Variants in FRMD4A observed in about 807,000 individuals in gnomAD.
FRMD4A encodes the protein FERM domain-containing protein 4A.
Under a neutral mutation model 129.1 loss-of-function variants are expected in FRMD4A, and 29 were observed. The observed-to-expected ratio is 0.22, with a 90% CI of 0.17 to 0.31. The LOEUF is 0.31. Ranked by LOEUF, FRMD4A falls within the 10% of genes least tolerant of loss-of-function variation. The probability of loss-of-function intolerance (pLI) is 1.00; values close to 1 mark genes in which losing one functional copy is unlikely to be tolerated. For missense variants in FRMD4A, 1,272 were observed against 1,375.8 expected, an observed-to-expected ratio of 0.92 and a Z score of 1.19; for synonymous variants, 634 against 571.6, an observed-to-expected ratio of 1.11 and a Z score of -1.56.
At chr10:13,818,838 A>T (rs2093586287) in intron 3 of FRMD4A, among the ~76,000 whole-genome samples, 1 of 152,214 alleles carries the variant, frequency 6.6e-6, no homozygotes, top group Non-Finnish European at 1.5e-5. Context: ...AAAAAATTCC[A>T]TGTATGGCCA....
In FRMD4A at chr10:14,043,996, A is replaced by G. The variant is rs539197194; in HGVS notation, c.46-185084T>C. Among the ~76,000 whole-genome samples, 3 of 152,248 alleles carry G rather than the reference A, an allele frequency of 2.0e-5. No homozygotes were observed. In the South Asian group the frequency reaches 6.2e-4, roughly 32 times the overall value. On this transcript the variant is annotated intron_variant, in intron 2 of 24. Coordinates refer to ENST00000357447, the MANE Select transcript of FRMD4A (RefSeq NM_018027.5). ...CACATGCCACCATGCCTGGCTATTT[A>G]TTAAAACTTATTTGTAGAGATGGGG...
chr10:14,302,049 A>G (rs1046995354), intron 2 of FRMD4A, among the ~76,000 whole-genome samples: 2 of 152,224 alleles, frequency 1.3e-5, no homozygotes, highest in Non-Finnish European at 2.9e-5. Context: ...CCAAATAGCT[A>G]TGGAATAAAT....
chr10:14,164,521 T>C (rs748433194), intron 2 of FRMD4A, among the ~76,000 whole-genome samples: 2 of 152,204 alleles, frequency 1.3e-5, no homozygotes, highest in Non-Finnish European at 2.9e-5. Flanking sequence ...AACACTAAGG[T>C]AGCCCATCCC....
chr10:13,715,438 C>T lies in FRMD4A; in HGVS notation c.760-8325G>A, dbSNP rs542119006. 5.3e-5 allele frequency among the ~76,000 whole-genome samples: 8 copies of T among 152,300 alleles called. No homozygotes were observed. In the South Asian group the frequency reaches 1.0e-3, roughly 20 times the overall value. On this transcript the variant is annotated intron_variant, in intron 12 of 24. Transcript: ENST00000357447. ...CATGGATTAAAAGCATGGTTTTCAA[C>T]GTCATACTGTCTGCCACTTACCGGC...
chr10:14,132,143 G>T (rs996363058), intron 2 of FRMD4A, among the ~76,000 whole-genome samples: 10 of 152,052 alleles, frequency 6.6e-5, no homozygotes, highest in Non-Finnish European at 1.2e-4. Context: ...AAAATTAGCT[G>T]GGCGTGGTGG....
intron 15 of FRMD4A, among the ~76,000 whole-genome samples, chr10:13,680,449 T>C (rs537682627): frequency 2.0e-5 from 3 of 151,604 alleles, no homozygotes; most frequent in Non-Finnish European, 1.5e-5. Flanking sequence ...AAAAAAGGGC[T>C]GGGTGTCGTG....
intron 2 of FRMD4A, among the ~76,000 whole-genome samples, chr10:13,862,946 T>G (rs1435548900): frequency 6.7e-6 from 1 of 149,966 alleles, no homozygotes; most frequent in Non-Finnish European, 1.5e-5. Flanking sequence ...TTGTTTTTTT[T>G]TTTGTTTCTT....
intron 2 of FRMD4A, among the ~76,000 whole-genome samples, chr10:14,120,567 T>C (rs1564311208): frequency 6.6e-6 from 1 of 152,202 alleles, no homozygotes; most frequent in Non-Finnish European, 1.5e-5. Context: ...AAATGAACAA[T>C]GTGAGCTAAA....
In FRMD4A at chr10:14,211,700, G is replaced by C. The variant is rs567203544; in HGVS notation, c.45+118358C>G. Among the ~76,000 whole-genome samples, 22 of 152,290 alleles carry C rather than the reference G, an allele frequency of 1.4e-4. No individual in the cohort carries two copies. In the South Asian group the frequency reaches 4.6e-3, roughly 32 times the overall value. ...ATAATTGTGTGTCTACCACAGGCCA[G>C]GCTGGATCGTGATGTATTTCAACGT... On this transcript the variant is annotated intron_variant, in intron 2 of 24. Coordinates refer to ENST00000357447, the MANE Select transcript of FRMD4A (RefSeq NM_018027.5).
At chr10:13,928,016 C>CT (rs139350063) in intron 2 of FRMD4A, among the ~76,000 whole-genome samples, 12 of 113,004 alleles carry the variant, frequency 1.1e-4, no homozygotes, top group African/African-American at 4.1e-4. Context: ...CTTAACATAC[C>CT]TTTTTTTTTT....
chr10:14,252,953 T>G (rs1036575791), intron 2 of FRMD4A, among the ~76,000 whole-genome samples: 5 of 152,264 alleles, frequency 3.3e-5, no homozygotes, highest in Non-Finnish European at 7.3e-5. Context: ...TATTCTTTCT[T>G]CATTCATTTA....
At chr10:13,738,673 T>A (rs958068849) in intron 11 of FRMD4A, among the ~76,000 whole-genome samples, 12 of 151,958 alleles carry the variant, frequency 7.9e-5, no homozygotes, top group African/African-American at 2.9e-4. Context: ...CAGGCTGGAG[T>A]GCATTGGCAC....
At chr10:14,290,977 T>G (rs1221557394) in intron 2 of FRMD4A, among the ~76,000 whole-genome samples, 1 of 152,106 alleles carries the variant, frequency 6.6e-6, no homozygotes, top group East Asian at 1.9e-4. Context: ...ATTTCAGGAA[T>G]GTGGGAGTTA....
intron 2 of FRMD4A, among the ~76,000 whole-genome samples, chr10:14,021,903 C>T (rs1832774909): frequency 6.6e-6 from 1 of 152,148 alleles, no homozygotes; most frequent in Non-Finnish European, 1.5e-5. Context: ...GTGTCAGACA[C>T]CAGAGTACAA....
intron 2 of FRMD4A, among the ~76,000 whole-genome samples, chr10:13,975,237 G>T (rs1435554742): frequency 1.3e-5 from 2 of 151,872 alleles, no homozygotes; most frequent in African/African-American, 4.8e-5. Flanking sequence ...ATGTGTGTGT[G>T]TGCCTATCTC....
intron 6 of FRMD4A, among the ~76,000 whole-genome samples, chr10:13,777,340 A>ACAAAAAATT (rs1192197331): frequency 2.6e-5 from 4 of 152,146 alleles, no homozygotes; most frequent in Admixed American, 2.0e-4. Flanking sequence ...CATAGTATAT[A>ACAAAAAATT]TAAAAAATTT....
intron 2 of FRMD4A, among the ~76,000 whole-genome samples, chr10:14,118,300 T>C (rs1838306590): frequency 6.6e-6 from 1 of 152,174 alleles, no homozygotes; most frequent in South Asian, 2.1e-4. Flanking sequence ...AGAGCCGTTC[T>C]TGGTAGCACA....
chr10:14,014,860 C>T (rs1276850866), intron 2 of FRMD4A, among the ~76,000 whole-genome samples: 1 of 152,208 alleles, frequency 6.6e-6, no homozygotes, highest in Non-Finnish European at 1.5e-5. Context: ...AGACTCTAGG[C>T]AGAATTGTAG....
intron 2 of FRMD4A, among the ~76,000 whole-genome samples, chr10:14,124,447 G>A (rs750079657): frequency 7.2e-5 from 11 of 152,136 alleles, no homozygotes; most frequent in East Asian, 1.9e-4. Flanking sequence ...AGGCCGAAGC[G>A]GGTGGATCAC....
Sources: gnomAD v4.1 joint callset for allele counts (sites outside exome capture counted in the v4.1 genomes callset) on GRCh38, gnomAD v4.1.1 for gene constraint, MANE v1.5 for transcripts, NCBI Gene and HGNC (gene_info 2026-07-23, HGNC 2026-07-21) for gene names.